Variants in CNTN5 observed in about 807,000 individuals in gnomAD.
The protein encoded by CNTN5 is contactin-5.
CNTN5 carries 77 observed loss-of-function variants against 129.1 expected under a neutral mutation model. The ratio of observed to expected loss-of-function variants is 0.60; its 90% CI spans 0.50 to 0.72. The LOEUF (loss-of-function observed/expected upper bound fraction) is 0.72, where lower values mean the gene tolerates loss of function less well. Ranked by LOEUF, CNTN5 falls within the 30% of genes least tolerant of loss-of-function variation. CNTN5 has a pLI of 0.00. For synonymous variants in CNTN5, 509 were observed against 465.6 expected (o/e 1.09, Z -1.20); for missense variants, 1,478 against 1,328.8 (o/e 1.11, Z -1.75).
At chr11:100,118,021 C>A (rs1031207872) in intron 13 of CNTN5, among the ~76,000 whole-genome samples, 1 of 151,528 alleles carries the variant, frequency 6.6e-6, no homozygotes, top group Non-Finnish European at 1.5e-5. Flanking sequence ...ACTTTTTTAA[C>A]CTCGCAGTTG....
chr11:99,043,635 G>T (rs4754580), intron 1 of CNTN5, among the ~76,000 whole-genome samples: 13,877 of 152,076 alleles, frequency 0.091, 1,162 homozygotes, highest in East Asian at 0.23. Flanking sequence ...CTTAAAAAAT[G>T]CTAAACTTCC....
At chr11:99,568,832 C>A (rs1352972780) in intron 3 of CNTN5, among the ~76,000 whole-genome samples, 3 of 152,152 alleles carry the variant, frequency 2.0e-5, no homozygotes, top group Admixed American at 2.0e-4. Flanking sequence ...ATAAAGTTAA[C>A]AATTGACTTT....
intron 18 of CNTN5, among the ~76,000 whole-genome samples, chr11:100,278,142 G>C (rs926093249): frequency 6.6e-6 from 1 of 151,980 alleles, no homozygotes; most frequent in East Asian, 1.9e-4. Context: ...TTATGTTGGA[G>C]GTCCTCTATT....
rs111752536 is a variant in CNTN5, at chr11:100,034,301, C to T, written c.981-26911C>T. Among the ~76,000 whole-genome samples, 1,205 of 152,282 alleles carry T rather than the reference C, an allele frequency of 7.9e-3. 18 individuals are homozygous for T. Among genetic ancestry groups the T allele is most frequent in the African/African-American group, 0.024 (994 of 41,558 alleles). The stretch of plus-strand genomic sequence containing the variant: ...GCCCATGGTAGAAGTCCAATTAATA[C>T]TCTCCATTGTTATTATCTAACTGTG... On this transcript the variant is annotated intron_variant, in intron 9 of 24. Transcript: ENST00000524871.
intron 7 of CNTN5, among the ~76,000 whole-genome samples, chr11:99,928,812 C>G (rs957644556): frequency 6.6e-6 from 1 of 152,236 alleles, no homozygotes; most frequent in Non-Finnish European, 1.5e-5. Context: ...CATATTTCTG[C>G]AGCTGGCTTG....
chr11:100,249,448 C>T (rs538481978), intron 16 of CNTN5, among the ~76,000 whole-genome samples: 191 of 152,122 alleles, frequency 1.3e-3, no homozygotes, highest in African/African-American at 4.4e-3. Context: ...CACACTGTGC[C>T]CATTTTTCAA....
intron 1 of CNTN5, among the ~76,000 whole-genome samples, chr11:99,242,758 A>C (rs537862228): frequency 6.6e-6 from 1 of 152,200 alleles, no homozygotes; most frequent in East Asian, 1.9e-4. Flanking sequence ...TCCCTGCATT[A>C]ATTTGCCTAG....
chr11:100,296,221 A>G (rs1441634162), intron 18 of CNTN5, among the ~76,000 whole-genome samples: 3 of 151,564 alleles, frequency 2.0e-5, no homozygotes, highest in Admixed American at 6.6e-5. Flanking sequence ...TATAAGGCAT[A>G]CTGATATCTC....
intron 12 of CNTN5, 40 bp downstream of exon 12, chr11:100,071,874 T>G: frequency 6.6e-7 from 1 of 1,507,680 alleles, no homozygotes; most frequent in South Asian, 1.3e-5. Flanking sequence ...AAAAAAAACC[T>G]TGCTTCTTTT....
intron 15 of CNTN5, among the ~76,000 whole-genome samples, chr11:100,222,054 A>G (rs1949276689): frequency 6.6e-6 from 1 of 152,206 alleles, no homozygotes. Flanking sequence ...AGATCAGTAA[A>G]TCTACTGAAA....
chr11:99,111,200 A>G (rs1301040184), intron 1 of CNTN5, among the ~76,000 whole-genome samples: 1 of 152,114 alleles, frequency 6.6e-6, no homozygotes, highest in Non-Finnish European at 1.5e-5. Flanking sequence ...GGATCTAAGC[A>G]GGTGACTCTG....
chr11:99,306,691 G>A (rs1451908553), intron 1 of CNTN5, among the ~76,000 whole-genome samples: 1 of 151,054 alleles, frequency 6.6e-6, no homozygotes, highest in East Asian at 1.9e-4. Context: ...CCAAGATCGT[G>A]CCACTGCACT....
intron 6 of CNTN5, among the ~76,000 whole-genome samples, chr11:99,899,380 T>G (rs1191771689): frequency 6.6e-6 from 1 of 152,086 alleles, no homozygotes; most frequent in African/African-American, 2.4e-5. Context: ...ATGGCTCTTA[T>G]TATTTTGAAG....
chr11:99,773,701 A>T (rs1008788694), intron 3 of CNTN5, among the ~76,000 whole-genome samples: 3 of 152,070 alleles, frequency 2.0e-5, no homozygotes, highest in African/African-American at 7.2e-5. Flanking sequence ...ATCAATATTA[A>T]TGCCAATTAA....
chr11:99,154,689 C>T (rs1860247200), intron 1 of CNTN5, among the ~76,000 whole-genome samples: 1 of 152,130 alleles, frequency 6.6e-6, no homozygotes. Flanking sequence ...CAGGTGCTGT[C>T]TGCTGTAATA....
chr11:99,324,311 A>G (rs1181218263), intron 1 of CNTN5, among the ~76,000 whole-genome samples: 4 of 152,194 alleles, frequency 2.6e-5, no homozygotes, highest in Admixed American at 6.5e-5. Flanking sequence ...GAGGTTATCA[A>G]TCTCAAGTTC....
At chr11:100,340,965 G>A (rs768877556) in intron 22 of CNTN5, 128 bp from the exon 23 acceptor site, 1 of 711,252 alleles carries the variant, frequency 1.4e-6, no homozygotes, top group African/African-American at 1.8e-5. Flanking sequence ...TCTGACTCCA[G>A]CTGGAAGGAA....
chr11:99,956,110 A>T (rs1950795943), intron 7 of CNTN5, among the ~76,000 whole-genome samples: 1 of 152,100 alleles, frequency 6.6e-6, no homozygotes, highest in Admixed American at 6.5e-5. Flanking sequence ...TTCATATTTT[A>T]TGAATGCATA....
chr11:99,791,194 G>C (rs190162034), intron 3 of CNTN5, among the ~76,000 whole-genome samples: 1 of 151,670 alleles, frequency 6.6e-6, no homozygotes, highest in African/African-American at 2.4e-5. Context: ...TGATTTTGGG[G>C]GTCTTAGTCA....
Sources: allele counts gnomAD v4.1 joint callset (sites outside exome capture counted in the v4.1 genomes callset), GRCh38; gene constraint gnomAD v4.1.1; transcripts MANE v1.5; gene names NCBI Gene and HGNC (gene_info 2026-07-23, HGNC 2026-07-21).